The following VWA8 variants were observed in gnomAD, a reference collection of about 807,000 sequenced individuals.
VWA8 encodes von Willebrand factor A domain containing 8, also known as von Willebrand factor A domain-containing protein 8.
A neutral mutation model predicts 241.5 loss-of-function variants in VWA8; 221 were observed. That is an observed-to-expected ratio of 0.91 (90% CI 0.82 to 1.02). VWA8 has a LOEUF of 1.02. VWA8 is among the 50% of genes least tolerant of loss of function. The pLI, the probability that VWA8 is intolerant of heterozygous loss-of-function variation, is 0.00. For synonymous variants in VWA8, 852 were observed against 827.1 expected, an observed-to-expected ratio of 1.03 and a Z score of -0.52; for missense variants, 2,322 against 2,328.7, an observed-to-expected ratio of 1.00 and a Z score of 0.06.
chr13:41,608,509 T>C (rs1228352735), intron 39 of VWA8, among the ~76,000 whole-genome samples: 4 of 152,220 alleles, frequency 2.6e-5, no homozygotes, highest in Non-Finnish European at 4.4e-5. Flanking sequence ...TGGCACAGTA[T>C]ATTTTTAAAG....
intron 37 of VWA8, among the ~76,000 whole-genome samples, chr13:41,633,300 G>C (rs1182339858): frequency 6.6e-6 from 1 of 152,166 alleles, no homozygotes; most frequent in Non-Finnish European, 1.5e-5. Flanking sequence ...CTGGAGGGAA[G>C]GGACTGAATC....
chr13:41,889,916 A>G (rs1024679097), intron 5 of VWA8, among the ~76,000 whole-genome samples: 1 of 152,230 alleles, frequency 6.6e-6, no homozygotes, highest in Admixed American at 6.5e-5. Context: ...GAAAGCATCT[A>G]AAGAGAAAAC....
intron 40 of VWA8, among the ~76,000 whole-genome samples, chr13:41,594,789 T>C (rs2044477960): frequency 6.6e-6 from 1 of 152,122 alleles, no homozygotes; most frequent in South Asian, 2.1e-4. Flanking sequence ...TATAGAAAAT[T>C]AGAATAATGA....
At chr13:41,705,777 G>T (rs1468843600) in intron 26 of VWA8, among the ~76,000 whole-genome samples, 2 of 152,156 alleles carry the variant, frequency 1.3e-5, no homozygotes, top group Non-Finnish European at 2.9e-5. Flanking sequence ...GAGGATCAAG[G>T]AAGAGAGTAG....
rs149375007 is a variant in VWA8, at chr13:41,576,956, T to G, written c.5272-1118A>C. On this transcript the variant is annotated intron_variant, in intron 42 of 44. Coordinates refer to ENST00000379310, the MANE Select transcript of VWA8 (RefSeq NM_015058.2). ...GGACACCCAGTGCTGACATCCACAC[T>G]CCATCGCTCCATCATAAACAACAGT... is the stretch of plus-strand genomic sequence containing the variant. 1.6e-3 allele frequency among the ~76,000 whole-genome samples: 240 copies of G among 152,324 alleles called. 2 individuals are homozygous for G. The highest frequency in any genetic ancestry group is 5.4e-3 in the African/African-American group (225 of 41,570).
At chr13:41,931,256 G>C (rs1163486390) in intron 2 of VWA8, among the ~76,000 whole-genome samples, 2 of 97,198 alleles carry the variant, frequency 2.1e-5, no homozygotes, top group Middle Eastern at 9.6e-3. Flanking sequence ...ATTATGCTAA[G>C]AGAAATAAAC....
rs542031465 is a variant in VWA8, at chr13:41,926,019, T to C, written c.242-13851A>G. 64 of 414,882 alleles carry C rather than the reference T, an allele frequency of 1.5e-4. 1 individual carries two copies. The highest frequency in any genetic ancestry group is 4.6e-4 in the Admixed American group (15 of 32,460). The allele number at this position is 414,882 out of a possible 1,614,324, so 25.7% of individuals were successfully genotyped here. A position where few individuals can be genotyped will look rare whatever the true frequency, so the allele number is the denominator to read the frequency against. Reference sequence around the variant, plus strand: ...TGCTAAAAGAGCTTCTGAGGGAAAGTTCATCTTCTATGACCTTCAAGGAGA... The same window carrying C: ...TGCTAAAAGAGCTTCTGAGGGAAAGCTCATCTTCTATGACCTTCAAGGAGA... On this transcript the variant is annotated intron_variant, in intron 2 of 44. Transcript: ENST00000379310.
At position 41,960,986 on chromosome 13, in the gene VWA8, TG is replaced by T; in HGVS notation, c.29del (p.Ala10AspfsTer58). MQSRLLLLG[A>X]PGGHGGPASR... Reference sequence around the variant, plus strand: ...AGGCCGGGCCGCCGTGGCCTCCGGGTGCCCCGAGGAGTAGAAGCCGGGATTG... The same window carrying T: ...AGGCCGGGCCGCCGTGGCCTCCGGGTCCCCGAGGAGTAGAAGCCGGGATTG... On this transcript the variant is annotated frameshift_variant, in exon 1 of 45. Transcript: ENST00000379310. LOFTEE classifies it high-confidence loss of function. The T allele has an allele frequency of 7.1e-7, 1 of 1,402,946 alleles. No individual in the cohort carries two copies. The highest frequency in any genetic ancestry group is 1.5e-5 in the African/African-American group (1 of 65,854). 86.9% of individuals were successfully genotyped at this position (1,402,946 alleles called of 1,614,324 possible). A position where few individuals can be genotyped will look rare whatever the true frequency, so the allele number is the denominator to read the frequency against.
At chr13:41,602,074 A>G (rs1472234269) in intron 40 of VWA8, among the ~76,000 whole-genome samples, 2 of 152,120 alleles carry the variant, frequency 1.3e-5, no homozygotes, top group Non-Finnish European at 2.9e-5. Flanking sequence ...TTTGTTTTCA[A>G]TCTAAAGTTC....
chr13:41,760,388 G>T (rs1180421133), intron 21 of VWA8, among the ~76,000 whole-genome samples: 1 of 151,704 alleles, frequency 6.6e-6, no homozygotes, highest in Non-Finnish European at 1.5e-5. Flanking sequence ...ATCACTTAGT[G>T]AAAAGACCCA....
chr13:41,572,351 G>A (rs1353325760), intron 43 of VWA8, among the ~76,000 whole-genome samples: 1 of 152,212 alleles, frequency 6.6e-6, no homozygotes. Flanking sequence ...CGGCTTTGTC[G>A]AATAGAAAAG....
chr13:41,698,961 C>T (rs2045231834), intron 29 of VWA8, 110 bp downstream of exon 29: 1 of 1,462,068 alleles, frequency 6.8e-7, no homozygotes, highest in Non-Finnish European at 9.5e-7. Context: ...ATCCCTCCAG[C>T]TCCTCTCCTT....
chr13:41,699,231 G>A lies in VWA8; in HGVS notation c.3404C>T (p.Pro1135Leu), dbSNP rs1360609569. 6.2e-7 allele frequency: 1 copy of A among 1,614,100 alleles called. No individual in the cohort carries two copies. ...CATATTCATAAAGTACAGGGAAGCG[G>A]GATTGCATGTAACTACATAGAGAGT... Reference protein sequence around the residue: ...QNTLYVVTCNPASLYFMNMTG... With the variant: ...QNTLYVVTCNLASLYFMNMTG... The change falls in exon 29 of 45, where the codon CCC becomes CTC. Residue 1135 changes from proline to leucine, a missense_variant. Transcript: ENST00000379310.
chr13:41,761,457 C>T, intron 20 of VWA8, among the ~76,000 whole-genome samples: 1 of 152,030 alleles, frequency 6.6e-6, no homozygotes, highest in East Asian at 1.9e-4. Context: ...TAGCCTCCTA[C>T]ATATTGACTT....
intron 2 of VWA8, among the ~76,000 whole-genome samples, chr13:41,923,168 A>C (rs760132982): frequency 1.2e-4 from 18 of 152,214 alleles, no homozygotes; most frequent in Non-Finnish European, 1.8e-4. Context: ...CATCATTCTG[A>C]GCAAACTACC....
At chr13:41,799,632 A>G (rs917339704) in intron 17 of VWA8, among the ~76,000 whole-genome samples, 2 of 152,146 alleles carry the variant, frequency 1.3e-5, no homozygotes, top group Non-Finnish European at 2.9e-5. Flanking sequence ...GTTGTCCCCA[A>G]ACAGATATTA....
In VWA8 at chr13:41,960,982, CGGG is replaced by C. The variant is rs772386043; in HGVS notation, c.31_33del (p.Pro11del). Reference sequence around the variant, plus strand: ...CGCGAGGCCGGGCCGCCGTGGCCTCCGGGTGCCCCGAGGAGTAGAAGCCGGGAT... The same window carrying C: ...CGCGAGGCCGGGCCGCCGTGGCCTCCTGCCCCGAGGAGTAGAAGCCGGGAT... On this transcript the variant is annotated inframe_deletion, in exon 1 of 45. Transcript: ENST00000379310. The C allele has an allele frequency of 2.1e-6, 3 of 1,405,706 alleles. No individual in the cohort carries two copies. The allele number at this position is 1,405,706 out of a possible 1,614,324, so 87.1% of individuals were successfully genotyped here. A position where few individuals can be genotyped will look rare whatever the true frequency, so the allele number is the denominator to read the frequency against.
chr13:41,907,369 T>C (rs1875769917), intron 4 of VWA8, among the ~76,000 whole-genome samples: 1 of 152,248 alleles, frequency 6.6e-6, no homozygotes, highest in Admixed American at 6.5e-5. Context: ...TTTAACGTTT[T>C]AGAACCATTA....
intron 23 of VWA8, among the ~76,000 whole-genome samples, chr13:41,728,618 C>CT (rs570344416): frequency 0.02 from 2,904 of 143,334 alleles, 84 homozygotes; most frequent in African/African-American, 0.065. Flanking sequence ...TCTGAATGAT[C>CT]TTTTTTTTTT....
Sources: allele counts gnomAD v4.1 joint callset (sites outside exome capture counted in the v4.1 genomes callset), GRCh38; gene constraint gnomAD v4.1.1; transcripts MANE v1.5; gene names NCBI Gene and HGNC (gene_info 2026-07-23, HGNC 2026-07-21).